The following USP9X variants were observed in gnomAD, a reference collection of about 807,000 sequenced individuals.
The protein encoded by USP9X is ubiquitin specific peptidase 9 X-linked, also known as ubiquitin carboxyl-terminal hydrolase 9X.
Under a neutral mutation model 190.3 loss-of-function variants are expected in USP9X, and 7 were observed. The ratio of observed to expected loss-of-function variants is 0.04; its 90% confidence interval spans 0.02 to 0.07. The LOEUF (loss-of-function observed/expected upper bound fraction) is 0.07. USP9X is among the 10% of genes least tolerant of loss of function. The pLI is 1.00. For synonymous variants in USP9X, 645 were observed against 659.5 expected, an observed-to-expected ratio of 0.98 and a Z score of 0.34; for missense variants, 1,010 against 1,916.9, an observed-to-expected ratio of 0.53 and a Z score of 8.83.
chrX:41,161,585 C>A (rs1259791610), intron 14 of USP9X, among the ~76,000 whole-genome samples: 1 of 100,950 alleles, frequency 9.9e-6, no homozygotes, highest in East Asian at 3.1e-4. Context: ...ATCCGCCTGC[C>A]TTGCCATCCC....
intron 6 of USP9X, 71 bp from the exon 7 acceptor site, chrX:41,140,585 A>T (rs2062414078): frequency 8.1e-6 from 6 of 739,432 alleles, no homozygotes; most frequent in Non-Finnish European, 1.0e-5. Flanking sequence ...GTATATTTCA[A>T]TAAGGCTTTT....
At chrX:41,102,063 ATT>A (rs2146938516) in intron 1 of USP9X, among the ~76,000 whole-genome samples, 1 of 111,461 alleles carries the variant, frequency 9.0e-6, no homozygotes, top group Non-Finnish European at 1.9e-5. Flanking sequence ...TCTGAGATCG[ATT>A]TTGGTGATAA....
At chrX:41,222,978 C>CAATGTTGACTA (rs1310459652) in intron 38 of USP9X, among the ~76,000 whole-genome samples, 2 of 112,048 alleles carry the variant, frequency 1.8e-5, no homozygotes, top group Non-Finnish European at 3.8e-5. Flanking sequence ...GTCATAGTCA[C>CAATGTTGACTA]TGTTGAACAA....
intron 34 of USP9X, 107 bp from the exon 35 acceptor site, chrX:41,215,792 A>T: frequency 1.2e-6 from 1 of 827,840 alleles, no homozygotes; most frequent in Non-Finnish European, 1.7e-6. Context: ...GTTTATACTT[A>T]AAAATTCAGA....
intron 33 of USP9X, among the ~76,000 whole-genome samples, chrX:41,212,357 C>G (rs1410634954): frequency 3.8e-5 from 4 of 105,477 alleles, no homozygotes; most frequent in Non-Finnish European, 7.8e-5. Context: ...CTAGGAAAAC[C>G]AGAGACCTTT....
At chrX:41,147,729 A>G (rs2062482814) in intron 11 of USP9X, among the ~76,000 whole-genome samples, 1 of 112,093 alleles carries the variant, frequency 8.9e-6, no homozygotes, top group Admixed American at 9.4e-5. Context: ...CTGGGATTAT[A>G]GGCGTGAGCC....
intron 1 of USP9X, among the ~76,000 whole-genome samples, chrX:41,107,580 T>TG (rs1303044443): frequency 2.7e-5 from 3 of 112,399 alleles, no homozygotes; most frequent in Non-Finnish European, 3.8e-5. Flanking sequence ...TCATTAAATT[T>TG]GGAGGCAGTT....
intron 38 of USP9X, among the ~76,000 whole-genome samples, chrX:41,222,052 T>C (rs2063268262): frequency 9.0e-6 from 1 of 111,385 alleles, no homozygotes; most frequent in Non-Finnish European, 1.9e-5. Context: ...GAAACATGTA[T>C]GTATGGGAAG....
At chrX:41,164,336 A>G (rs1398690000) in intron 15 of USP9X, among the ~76,000 whole-genome samples, 3 of 105,234 alleles carry the variant, frequency 2.9e-5, no homozygotes, top group Non-Finnish European at 5.8e-5. Context: ...GCATTTGTTT[A>G]AAGTGCATTG....
At chrX:41,223,182 CTCTT>C (rs1194614325) in intron 38 of USP9X, 31 bp from the exon 39 acceptor site, 5 of 1,177,976 alleles carry the variant, frequency 4.2e-6, no homozygotes, top group South Asian at 3.9e-5. Context: ...TTTTCTCCCT[CTCTT>C]TCTTCTCCCC....
intron 38 of USP9X, among the ~76,000 whole-genome samples, chrX:41,220,507 G>A (rs1379412339): frequency 8.9e-6 from 1 of 111,975 alleles, no homozygotes; most frequent in Admixed American, 9.4e-5. Context: ...TCTATAGCAG[G>A]GTCTGAGACA....
chrX:41,088,603 A>G (rs1349616339), intron 1 of USP9X, among the ~76,000 whole-genome samples: 1 of 112,257 alleles, frequency 8.9e-6, no homozygotes, highest in Non-Finnish European at 1.9e-5. Context: ...GTGTTAATGG[A>G]TTAGTGTTCT....
chrX:41,206,148 C>T (rs957931566), intron 32 of USP9X, among the ~76,000 whole-genome samples: 4 of 111,339 alleles, frequency 3.6e-5, no homozygotes, highest in African/African-American at 1.3e-4. Context: ...ATCTCAGCCT[C>T]CCAAAGTGCT....
intron 26 of USP9X, among the ~76,000 whole-genome samples, chrX:41,195,324 C>T (rs765098073): frequency 2.7e-5 from 3 of 111,332 alleles, no homozygotes; most frequent in South Asian, 3.8e-4. Context: ...TGTGAGCCAC[C>T]GCACCCAGCC....
rs967355327 is a variant in USP9X, at chrX:41,172,085, C to A, written c.3148+127C>A. ...ACAAGAGTTGACAGATGACAGCCCA[C>A]AAGCCACATCAAGCCCCCTGCTTGT... On this transcript the variant is annotated intron_variant, in intron 21 of 44. Transcript: ENST00000378308. 1,000 of 680,500 alleles carry A rather than the reference C, an allele frequency of 1.5e-3. 1 individual carries two copies. The highest frequency in any genetic ancestry group is 0.012 in the Admixed American group (282 of 23,454). 56.1% of individuals were successfully genotyped at this position (680,500 alleles called of 1,213,427 possible). A position where few individuals can be genotyped will look rare whatever the true frequency, so the allele number is the denominator to read the frequency against.
chrX:41,197,369 T>C lies in USP9X; in HGVS notation c.4239T>C (p.Asp1413=), dbSNP rs2062994141. Residue 1413 remains aspartate (D), a synonymous_variant, in exon 29 of 45, where the codon GAT becomes GAC. Transcript: ENST00000378308. ...EIDWLKRIRD[D]VKRTGETGIE... Reference sequence around the variant, plus strand: ...CCACCCCCCGCCTTTGGCAGGATGATGTTAAAAGAACAGGAGAAACGGGTA... The same window carrying C: ...CCACCCCCCGCCTTTGGCAGGATGACGTTAAAAGAACAGGAGAAACGGGTA... 3.0e-6 allele frequency: 2 copies of C among 674,604 alleles called. No individual in the cohort carries two copies. The highest frequency in any genetic ancestry group is 8.2e-5 in the East Asian group (1 of 12,128). The allele number at this position is 674,604 out of a possible 1,213,427, so 55.6% of individuals were successfully genotyped here.
rs1413743087 is a variant in USP9X, at chrX:41,169,995, A to G, written c.2637A>G (p.Arg879=). The change falls in exon 19 of 45, where the codon AGA becomes AGG. Residue 879 remains arginine, a splice_region_variant and synonymous_variant. Coordinates refer to ENST00000378308, the MANE Select transcript of USP9X (RefSeq NM_001039591.3). ...TGTCTGTCTTTCTTTTTCCCCCCAG[A>G]GCATTCCGCGGTAAACACCTCTCTT... ...HEERTILPMS[R]AFRGKHLSFV... 8.3e-7 allele frequency: 1 copy of G among 1,209,386 alleles called. No individual in the cohort carries two copies. The highest frequency in any genetic ancestry group is 1.8e-5 in the African/African-American group (1 of 57,098).
intron 1 of USP9X, among the ~76,000 whole-genome samples, chrX:41,101,304 G>A (rs2062031937): frequency 9.1e-6 from 1 of 109,940 alleles, no homozygotes. Context: ...AGCCAGCCAG[G>A]CACGGTGGCT....
intron 1 of USP9X, among the ~76,000 whole-genome samples, chrX:41,117,689 T>A (rs1569155059): frequency 9.5e-6 from 1 of 105,158 alleles, no homozygotes. Flanking sequence ...GCCATTCTCC[T>A]GCCTCAGCCT....
Sources: allele counts gnomAD v4.1 joint callset (sites outside exome capture counted in the v4.1 genomes callset), GRCh38; gene constraint gnomAD v4.1.1; transcripts MANE v1.5; gene names NCBI Gene and HGNC (gene_info 2026-07-23, HGNC 2026-07-21).